PLCXD3: variants seen among roughly 807,000 people sequenced by gnomAD.
PLCXD3 encodes the protein PI-PLC X domain-containing protein 3.
A neutral mutation model predicts 25.5 loss-of-function variants in PLCXD3; 19 were observed. The ratio of observed to expected loss-of-function variants is 0.75; its 90% confidence interval spans 0.52 to 1.09. PLCXD3 has a LOEUF of 1.09. Among genes scored for constraint, PLCXD3 ranks in the 50% least tolerant of loss-of-function variants. The probability of loss-of-function intolerance (pLI) is 0.00; values close to 1 mark genes in which losing one functional copy is unlikely to be tolerated. For missense variants in PLCXD3, 411 were observed against 388.1 expected (o/e 1.06, Z -0.50); for synonymous variants, 174 against 137.6 (o/e 1.26, Z -1.85).
chr5:41,358,045 C>T (rs1457330857), intron 2 of PLCXD3, among the ~76,000 whole-genome samples: 2 of 152,192 alleles, frequency 1.3e-5, no homozygotes, highest in African/African-American at 4.8e-5. Flanking sequence ...AATATCCTTA[C>T]AAAAATATAT....
intron 2 of PLCXD3, among the ~76,000 whole-genome samples, chr5:41,328,665 T>C (rs1053017668): frequency 6.6e-6 from 1 of 152,100 alleles, no homozygotes; most frequent in African/African-American, 2.4e-5. Context: ...TACAGGATTC[T>C]TAGAAGAGAA....
chr5:41,387,659 T>C (rs1351931457), intron 1 of PLCXD3, among the ~76,000 whole-genome samples: 2 of 152,158 alleles, frequency 1.3e-5, no homozygotes, highest in East Asian at 3.9e-4. Context: ...ACTAGTTCTA[T>C]TTTGTAAATG....
intron 2 of PLCXD3, among the ~76,000 whole-genome samples, chr5:41,314,194 G>T (rs1743222938): frequency 6.6e-6 from 1 of 152,190 alleles, no homozygotes; most frequent in Non-Finnish European, 1.5e-5. Context: ...CTAAGATATT[G>T]TAAATAGACA....
chr5:41,489,406 G>T (rs971989347), intron 1 of PLCXD3, among the ~76,000 whole-genome samples: 1 of 151,822 alleles, frequency 6.6e-6, no homozygotes. Flanking sequence ...TTGACTTGGC[G>T]ATGCGGGCTC....
intron 1 of PLCXD3, among the ~76,000 whole-genome samples, chr5:41,432,832 G>A (rs192251127): frequency 2.2e-4 from 33 of 152,290 alleles, no homozygotes; most frequent in African/African-American, 7.2e-4. Context: ...GGATATGTTC[G>A]TTGAACTGAC....
At chr5:41,410,353 C>G (rs1042768619) in intron 1 of PLCXD3, among the ~76,000 whole-genome samples, 1 of 151,858 alleles carries the variant, frequency 6.6e-6, no homozygotes, top group Admixed American at 6.6e-5. Context: ...CCATGTTGGC[C>G]GGTATGGTCT....
At chr5:41,336,162 A>G (rs1357549640) in intron 2 of PLCXD3, among the ~76,000 whole-genome samples, 8 of 152,166 alleles carry the variant, frequency 5.3e-5, no homozygotes, top group East Asian at 1.9e-4. Context: ...TCCTCGTTGT[A>G]TAATGACAAT....
Position 41,310,750 on chromosome 5 carries a change from T to G in PLCXD3, c.*2867A>C, listed in dbSNP as rs1280954661. The G allele has an allele frequency of 6.6e-6, 1 of 152,622 alleles. No homozygotes were observed. The highest frequency in any genetic ancestry group is 1.5e-5 in the Non-Finnish European group (1 of 68,040). 9.5% of individuals were successfully genotyped at this position (152,622 alleles called of 1,614,324 possible). ...TCTAGCTGGAGGACCCATGGTTCCCTTCTACCTCTTCCCTCCTTTATAAAT... is the reference window on the plus strand; with the variant it reads ...TCTAGCTGGAGGACCCATGGTTCCCGTCTACCTCTTCCCTCCTTTATAAAT... On this transcript the variant is annotated 3_prime_UTR_variant, in exon 3 of 3. Transcript: ENST00000377801.
chr5:41,444,849 G>A (rs1187668757), intron 1 of PLCXD3, among the ~76,000 whole-genome samples: 1 of 152,166 alleles, frequency 6.6e-6, no homozygotes, highest in Non-Finnish European at 1.5e-5. Flanking sequence ...CATATAGTAA[G>A]TTCTGTATAA....
chr5:41,496,059 A>T (rs1561290692), intron 1 of PLCXD3, among the ~76,000 whole-genome samples: 1 of 152,184 alleles, frequency 6.6e-6, no homozygotes, highest in African/African-American at 2.4e-5. Context: ...GGAGCTGAAG[A>T]ATGCAATAAC....
chr5:41,399,948 G>A (rs1335975036), intron 1 of PLCXD3, among the ~76,000 whole-genome samples: 1 of 152,010 alleles, frequency 6.6e-6, no homozygotes, highest in Non-Finnish European at 1.5e-5. Flanking sequence ...CCCCTGATAA[G>A]AGATTGATAA....
chr5:41,415,132 G>A (rs947661638), intron 1 of PLCXD3, among the ~76,000 whole-genome samples: 23 of 152,152 alleles, frequency 1.5e-4, no homozygotes, highest in African/African-American at 5.6e-4. Flanking sequence ...CTATGGAAAA[G>A]GGGATGCTAT....
intron 1 of PLCXD3, among the ~76,000 whole-genome samples, chr5:41,501,653 A>G (rs936562419): frequency 2.6e-5 from 4 of 152,102 alleles, no homozygotes; most frequent in African/African-American, 9.7e-5. Context: ...ACTGTATTAT[A>G]TACTTAAAAT....
intron 2 of PLCXD3, among the ~76,000 whole-genome samples, chr5:41,376,750 G>T (rs1293522961): frequency 6.6e-6 from 1 of 151,924 alleles, no homozygotes; most frequent in African/African-American, 2.4e-5. Flanking sequence ...TTGTATTTAG[G>T]TATTGCATGT....
chr5:41,361,431 C>T lies in PLCXD3; in HGVS notation c.812+20395G>A, dbSNP rs536406942. On this transcript the variant is annotated intron_variant, in intron 2 of 2. Transcript: ENST00000377801. ...TCATATAGTCTGTGGATTGTCTCAG[C>T]TTTCCTGGAATGTCCCTGCAGTAGT... Among the ~76,000 whole-genome samples the T allele has an allele frequency of 1.1e-3, 171 of 152,354 alleles. 1 individual carries two copies. Among genetic ancestry groups the T allele is most frequent in the Admixed American group, 2.4e-3 (36 of 15,298 alleles).
chr5:41,331,444 G>T (rs1743801232), intron 2 of PLCXD3, among the ~76,000 whole-genome samples: 1 of 152,098 alleles, frequency 6.6e-6, no homozygotes, highest in Non-Finnish European at 1.5e-5. Context: ...AATAAAAGAG[G>T]ATACAAAGAA....
intron 1 of PLCXD3, among the ~76,000 whole-genome samples, chr5:41,423,140 C>A (rs1261613437): frequency 6.6e-6 from 1 of 151,852 alleles, no homozygotes; most frequent in Non-Finnish European, 1.5e-5. Flanking sequence ...TTAAACTATT[C>A]TTGCATTCTT....
At chr5:41,373,425 C>G (rs908847093) in intron 2 of PLCXD3, among the ~76,000 whole-genome samples, 1 of 152,062 alleles carries the variant, frequency 6.6e-6, no homozygotes, top group Non-Finnish European at 1.5e-5. Context: ...TAAATGCAAA[C>G]GTCCCATTTT....
chr5:41,436,596 T>C (rs1747260131), intron 1 of PLCXD3, among the ~76,000 whole-genome samples: 1 of 152,178 alleles, frequency 6.6e-6, no homozygotes, highest in Admixed American at 6.5e-5. Context: ...TTCCAACTAT[T>C]GCAGCCCTCC....
Sources: gnomAD v4.1 joint callset for allele counts (sites outside exome capture counted in the v4.1 genomes callset) on GRCh38, gnomAD v4.1.1 for gene constraint, MANE v1.5 for transcripts, NCBI Gene and HGNC (gene_info 2026-07-23, HGNC 2026-07-21) for gene names.